ARAP2: variants seen among roughly 807,000 people sequenced by gnomAD.
ARAP2 encodes the protein arf-GAP with Rho-GAP domain, ANK repeat and PH domain-containing protein 2.
ARAP2 carries 148 observed loss-of-function variants against 194.5 expected under a neutral mutation model. That is an observed-to-expected ratio of 0.76 (90% CI 0.67 to 0.87). The LOEUF (loss-of-function observed/expected upper bound fraction) is 0.87. ARAP2 is among the 40% of genes least tolerant of loss of function. The pLI is 0.00. For synonymous variants in ARAP2, 695 were observed against 683.5 expected (o/e 1.02, Z -0.26); for missense variants, 2,128 against 1,989.7 (o/e 1.07, Z -1.32).
intron 27 of ARAP2, among the ~76,000 whole-genome samples, chr4:36,106,635 A>G (rs2109461141): frequency 6.6e-6 from 1 of 151,998 alleles, no homozygotes; most frequent in South Asian, 2.1e-4. Flanking sequence ...CACATGATTA[A>G]AATTAGGAGG....
chr4:36,168,587 T>C (rs1735840496), intron 9 of ARAP2, among the ~76,000 whole-genome samples: 1 of 152,216 alleles, frequency 6.6e-6, no homozygotes, highest in South Asian at 2.1e-4. Flanking sequence ...ATCCAGAGTT[T>C]CCAGACGCAA....
chr4:36,062,391 G>A (rs1376905362), downstream of ARAP2, among the ~76,000 whole-genome samples: 5 of 152,132 alleles, frequency 3.3e-5, no homozygotes, highest in Non-Finnish European at 7.3e-5. Flanking sequence ...TGGTTCATAT[G>A]AAGTTTGTTT....
At chr4:36,084,430 G>A (rs1450565053) in intron 28 of ARAP2, among the ~76,000 whole-genome samples, 2 of 151,728 alleles carry the variant, frequency 1.3e-5, no homozygotes, top group African/African-American at 4.8e-5. Context: ...TGTTGTTTTG[G>A]GTCAGATTTT....
chr4:36,041,816 A>G (rs1315742934), intron 5 of ARAP2, among the ~76,000 whole-genome samples: 2 of 152,218 alleles, frequency 1.3e-5, no homozygotes, highest in Non-Finnish European at 2.9e-5. Flanking sequence ...AATGAGGTAC[A>G]TATACACCAT....
intron 22 of ARAP2, among the ~76,000 whole-genome samples, chr4:36,121,839 A>G (rs1397422): frequency 0.64 from 96,486 of 151,528 alleles, 33,779 homozygotes; most frequent in South Asian, 0.81. Flanking sequence ...CCATGTGTCC[A>G]TACAGCTATT....
chr4:36,027,652 G>A (rs1718159500), intron 5 of ARAP2, among the ~76,000 whole-genome samples: 1 of 151,938 alleles, frequency 6.6e-6, no homozygotes, highest in East Asian at 1.9e-4. Context: ...ACTTAATATG[G>A]CACTATTTGC....
intron 8 of ARAP2, among the ~76,000 whole-genome samples, chr4:36,179,381 C>A (rs530190822): frequency 1.3e-5 from 2 of 152,214 alleles, no homozygotes; most frequent in South Asian, 2.1e-4. Context: ...ATTGGCCAGG[C>A]GAAGAAGGAG....
At chr4:36,174,896 T>G (rs1334327032) in intron 9 of ARAP2, among the ~76,000 whole-genome samples, 1 of 152,226 alleles carries the variant, frequency 6.6e-6, no homozygotes, top group East Asian at 1.9e-4. Context: ...ACATTTGCTG[T>G]AATAGCTACA....
intron 27 of ARAP2, among the ~76,000 whole-genome samples, chr4:36,104,616 GA>G (rs1198974839): frequency 6.6e-6 from 1 of 151,914 alleles, no homozygotes; most frequent in East Asian, 1.9e-4. Flanking sequence ...CACGACTTAA[GA>G]AATTGATTTT....
chr4:36,116,989 T>A (rs1362361421), intron 25 of ARAP2, 72 bp downstream of exon 25: 3 of 1,025,242 alleles, frequency 2.9e-6, no homozygotes, highest in Non-Finnish European at 4.0e-6. Context: ...AATGGAAAAT[T>A]CAAAATATAT....
chr4:36,108,573 A>G (rs1719037926), intron 26 of ARAP2, among the ~76,000 whole-genome samples: 1 of 152,016 alleles, frequency 6.6e-6, no homozygotes, highest in Non-Finnish European at 1.5e-5. Context: ...ACTAGCAAGA[A>G]ATTACATGAC....
At position 36,210,677 on chromosome 4, in the gene ARAP2, C is replaced by A; in HGVS notation, c.1200G>T (p.Glu400Asp). The change falls in exon 6 of 33, where the codon GAG becomes GAT. Residue 400 changes from glutamate (E) to aspartate (D), a missense_variant. By Grantham distance (45) the Glu-to-Asp change is conservative. Coordinates refer to ENST00000303965, the MANE Select transcript of ARAP2 (RefSeq NM_015230.4). ...DKVEDIWIPREDKNNFLIDTA... is the reference protein window; with the variant it reads ...DKVEDIWIPRDDKNNFLIDTA... The stretch of plus-strand genomic sequence containing the variant: ...TGTCTATCAAAAAATTGTTTTTGTC[C>A]TCTCGAGGTATCCAAATATCTTCCA... 1.9e-6 allele frequency: 3 copies of A among 1,613,188 alleles called. No homozygotes were observed. Among genetic ancestry groups the A allele is most frequent in the Non-Finnish European group, 2.5e-6 (3 of 1,179,760 alleles).
intron 23 of ARAP2, among the ~76,000 whole-genome samples, chr4:36,120,099 A>C (rs1307607088): frequency 6.6e-6 from 1 of 151,598 alleles, no homozygotes; most frequent in Non-Finnish European, 1.5e-5. Flanking sequence ...AGTTTAACAT[A>C]ACTATGAAGA....
intron 24 of ARAP2, among the ~76,000 whole-genome samples, chr4:36,118,069 GA>G (rs1362269210): frequency 2.6e-5 from 4 of 151,156 alleles, no homozygotes; most frequent in African/African-American, 9.7e-5. Flanking sequence ...AACTTGTGGG[GA>G]AAAAAATTTT....
intron 2 of ARAP2, among the ~76,000 whole-genome samples, chr4:36,218,944 A>C (rs749008495): frequency 6.6e-6 from 1 of 152,226 alleles, no homozygotes; most frequent in Non-Finnish European, 1.5e-5. Context: ...ACCAAAGAAG[A>C]TATAAATGTA....
At chr4:36,162,367 C>T (rs1734298220) in intron 11 of ARAP2, among the ~76,000 whole-genome samples, 1 of 152,100 alleles carries the variant, frequency 6.6e-6, no homozygotes, top group South Asian at 2.1e-4. Context: ...GACATGAATA[C>T]TTTATTCAGC....
intron 5 of ARAP2, among the ~76,000 whole-genome samples, chr4:36,031,087 G>A (rs1207117877): frequency 1.3e-5 from 2 of 152,150 alleles, no homozygotes; most frequent in Admixed American, 6.5e-5. Context: ...CCAAGATCGT[G>A]CCATTGCACT....
chr4:36,187,636 G>T, intron 7 of ARAP2, 65 bp from the exon 8 acceptor site: 1 of 1,371,252 alleles, frequency 7.3e-7, no homozygotes, highest in African/African-American at 1.5e-5. Flanking sequence ...TATCAAAAAA[G>T]AATGGCACAG....
chr4:36,113,447 T>C (rs1325027426), intron 26 of ARAP2, among the ~76,000 whole-genome samples: 1 of 151,996 alleles, frequency 6.6e-6, no homozygotes, highest in Non-Finnish European at 1.5e-5. Context: ...CACTATGGGG[T>C]ATTTTAAACA....
Sources: allele counts gnomAD v4.1 joint callset (sites outside exome capture counted in the v4.1 genomes callset), GRCh38; gene constraint gnomAD v4.1.1; transcripts MANE v1.5; gene names NCBI Gene and HGNC (gene_info 2026-07-23, HGNC 2026-07-21).